Variants in DCC observed in about 807,000 individuals in gnomAD.
The protein encoded by DCC is netrin receptor DCC.
DCC carries 58 observed loss-of-function variants against 172.5 expected under a neutral mutation model. That is an observed-to-expected ratio of 0.34 (90% CI 0.27 to 0.42). The LOEUF (loss-of-function observed/expected upper bound fraction) is 0.42. DCC is among the 10% of genes least tolerant of loss of function. The pLI, the probability that DCC is intolerant of heterozygous loss-of-function variation, is 1.00. For missense variants in DCC, 1,740 were observed against 1,791.0 expected, an observed-to-expected ratio of 0.97 and a Z score of 0.51; for synonymous variants, 709 against 644.5, an observed-to-expected ratio of 1.10 and a Z score of -1.52.
At chr18:52,436,705 C>G (rs908132701) in intron 1 of DCC, among the ~76,000 whole-genome samples, 2 of 152,136 alleles carry the variant, frequency 1.3e-5, no homozygotes, top group African/African-American at 4.8e-5. Flanking sequence ...GCCAGGAGTT[C>G]GAGAACAGCC....
chr18:52,863,663 A>G (rs1346273637), intron 2 of DCC, among the ~76,000 whole-genome samples: 5 of 151,800 alleles, frequency 3.3e-5, no homozygotes, highest in Non-Finnish European at 5.9e-5. Context: ...TTAAGTAAAT[A>G]TATTATAAAA....
intron 1 of DCC, among the ~76,000 whole-genome samples, chr18:52,679,244 T>C (rs2035698754): frequency 1.3e-5 from 2 of 152,050 alleles, no homozygotes; most frequent in Non-Finnish European, 2.9e-5. Context: ...TTCCTGTTAT[T>C]ATTTTTAAAA....
chr18:53,285,414 GAAGCCCCA>G (rs1568412018), intron 12 of DCC, among the ~76,000 whole-genome samples: 5 of 152,216 alleles, frequency 3.3e-5, no homozygotes. Flanking sequence ...CCAGAGGGCA[GAAGCCCCA>G]AACCTTGGAA....
chr18:52,672,250 A>G (rs759466768), intron 1 of DCC, among the ~76,000 whole-genome samples: 14 of 152,206 alleles, frequency 9.2e-5, no homozygotes, highest in Non-Finnish European at 1.5e-4. Context: ...TTTTAAACGA[A>G]TATTTGTTTT....
In DCC at chr18:52,791,472, G is replaced by T. The variant is rs372561237; in HGVS notation, c.412+39098G>T. ...TTCCCCCTGCTGTTTTTTGTGTTTT[G>T]TTTTTTTTTTGTTTTTTTCCTAAAT... On this transcript the variant is annotated intron_variant, in intron 2 of 28. Coordinates refer to ENST00000442544, the MANE Select transcript of DCC (RefSeq NM_005215.4). Among the ~76,000 whole-genome samples, 499 of 146,486 alleles carry T rather than the reference G, an allele frequency of 3.4e-3. 1 individual carries two copies. Among genetic ancestry groups the T allele is most frequent in the African/African-American group, 0.012 (470 of 39,924 alleles).
intron 2 of DCC, among the ~76,000 whole-genome samples, chr18:52,890,649 T>C (rs2039634868): frequency 6.6e-6 from 1 of 152,268 alleles, no homozygotes; most frequent in Middle Eastern, 3.4e-3. Context: ...GGTATCTTAA[T>C]AGATAGTTCT....
chr18:53,158,744 C>T (rs1159690040), intron 8 of DCC, among the ~76,000 whole-genome samples: 1 of 151,992 alleles, frequency 6.6e-6, no homozygotes, highest in East Asian at 1.9e-4. Flanking sequence ...GTAATCCCAG[C>T]ACTTTGGCAG....
intron 1 of DCC, among the ~76,000 whole-genome samples, chr18:52,586,981 A>G (rs2033688564): frequency 6.6e-6 from 1 of 152,212 alleles, no homozygotes; most frequent in South Asian, 2.1e-4. Context: ...ATGGAATACC[A>G]TGACAGTGGG....
intron 27 of DCC, among the ~76,000 whole-genome samples, chr18:53,514,731 CT>C (rs1414039398): frequency 6.6e-6 from 1 of 152,154 alleles, no homozygotes; most frequent in African/African-American, 2.4e-5. Context: ...CACATACACT[CT>C]CCCAAGACTA....
chr18:53,501,158 C>T (rs556963283), intron 27 of DCC, among the ~76,000 whole-genome samples: 8 of 152,156 alleles, frequency 5.3e-5, no homozygotes, highest in Non-Finnish European at 1.0e-4. Context: ...CTAACAATAA[C>T]GAGCCTTTAA....
At chr18:53,284,040 T>G (rs952814953) in intron 12 of DCC, among the ~76,000 whole-genome samples, 4 of 152,226 alleles carry the variant, frequency 2.6e-5, no homozygotes, top group African/African-American at 9.6e-5. Context: ...TATAAATTAT[T>G]ATTTTTCAAG....
chr18:52,558,072 T>G (rs1420738198), intron 1 of DCC, among the ~76,000 whole-genome samples: 3 of 152,136 alleles, frequency 2.0e-5, no homozygotes, highest in African/African-American at 7.2e-5. Flanking sequence ...TGTGAGCTTT[T>G]CATACTATGT....
chr18:52,773,131 A>C (rs1396709434), intron 2 of DCC, among the ~76,000 whole-genome samples: 2 of 152,240 alleles, frequency 1.3e-5, no homozygotes, highest in Non-Finnish European at 2.9e-5. Flanking sequence ...ACTTTGCAAA[A>C]GGAAATTATA....
chr18:52,496,038 T>C (rs2030734256), intron 1 of DCC, among the ~76,000 whole-genome samples: 1 of 152,138 alleles, frequency 6.6e-6, no homozygotes, highest in Non-Finnish European at 1.5e-5. Context: ...ACATATATTA[T>C]CTAATTTTAA....
intron 5 of DCC, among the ~76,000 whole-genome samples, chr18:52,979,392 C>A (rs763200342): frequency 6.6e-6 from 1 of 152,040 alleles, no homozygotes; most frequent in Non-Finnish European, 1.5e-5. Flanking sequence ...TTCATTCCTC[C>A]CTATGAAATG....
At chr18:53,461,845 C>T (rs1454349852) in intron 24 of DCC, among the ~76,000 whole-genome samples, 1 of 152,312 alleles carries the variant, frequency 6.6e-6, no homozygotes, top group South Asian at 2.1e-4. Context: ...TAAAGATTCT[C>T]CTTTCTCATG....
chr18:52,601,137 A>C (rs1214829561), intron 1 of DCC, among the ~76,000 whole-genome samples: 1 of 152,130 alleles, frequency 6.6e-6, no homozygotes, highest in Non-Finnish European at 1.5e-5. Flanking sequence ...AAGGAGGTAG[A>C]CATCTGGCTG....
intron 1 of DCC, among the ~76,000 whole-genome samples, chr18:52,365,711 A>T (rs1984818337): frequency 6.6e-6 from 1 of 152,334 alleles, no homozygotes; most frequent in South Asian, 2.1e-4. Context: ...CAACACTTAC[A>T]GTATTGCTAC....
At chr18:53,506,044 A>G (rs1568174698) in intron 27 of DCC, among the ~76,000 whole-genome samples, 3 of 152,236 alleles carry the variant, frequency 2.0e-5, no homozygotes, top group East Asian at 1.9e-4. Flanking sequence ...AAATAAATGT[A>G]TATCTACCTG....
Sources: allele counts gnomAD v4.1 joint callset (sites outside exome capture counted in the v4.1 genomes callset), GRCh38; gene constraint gnomAD v4.1.1; transcripts MANE v1.5; gene names NCBI Gene and HGNC (gene_info 2026-07-23, HGNC 2026-07-21).